INPP4A: variants seen among roughly 807,000 people sequenced by gnomAD.
The protein encoded by INPP4A is inositol polyphosphate-4-phosphatase, type I, 107kD.
INPP4A carries 33 observed loss-of-function variants against 119.8 expected under a neutral mutation model. The observed-to-expected ratio is 0.28, with a 90% CI of 0.21 to 0.37. The LOEUF is 0.37. Among genes scored for constraint, INPP4A ranks in the 10% least tolerant of loss-of-function variants. INPP4A has a pLI of 1.00. For missense variants in INPP4A, 956 were observed against 1,289.9 expected (o/e 0.74, Z 3.97); for synonymous variants, 496 against 500.7 (o/e 0.99, Z 0.12).
chr2:98,552,237 C>T (rs1693663267), intron 13 of INPP4A, among the ~76,000 whole-genome samples: 1 of 152,184 alleles, frequency 6.6e-6, no homozygotes, highest in Non-Finnish European at 1.5e-5. Context: ...TTTCTAGGGA[C>T]TTGCTGGGGT....
In INPP4A at chr2:98,546,206, A is replaced by G. The variant is rs1692453304; in HGVS notation, c.1054+133A>G. 3.2e-6 allele frequency: 2 copies of G among 626,226 alleles called. No homozygotes were observed. The highest frequency in any genetic ancestry group is 4.1e-5 in the South Asian group (2 of 49,208). 38.8% of individuals were successfully genotyped at this position (626,226 alleles called of 1,614,324 possible). On this transcript the variant is annotated intron_variant, in intron 12 of 24. Coordinates refer to ENST00000409851, the MANE Select transcript of INPP4A (RefSeq NM_001134225.2). The surrounding 1 kb of genome is among the most constrained non-coding windows in gnomAD (Gnocchi z 4.2). ...GCGGCTCGGAGGAGAGATTTGTCAC[A>G]AGGACCTTCAAAAGGTTTCTGATAA...
intron 24 of INPP4A, among the ~76,000 whole-genome samples, chr2:98,580,812 G>T (rs1417705741): frequency 1.3e-5 from 2 of 152,234 alleles, no homozygotes; most frequent in East Asian, 3.9e-4. Context: ...ACATAAATGT[G>T]CTTCCAGAGT....
intron 4 of INPP4A, among the ~76,000 whole-genome samples, chr2:98,529,925 G>A (rs182274046): frequency 6.6e-6 from 1 of 152,132 alleles, no homozygotes; most frequent in Non-Finnish European, 1.5e-5. Context: ...TAACAAGAAA[G>A]AGAGATTGTT....
chr2:98,459,050 A>G (rs1187859174), intron 1 of INPP4A, among the ~76,000 whole-genome samples: 1 of 152,226 alleles, frequency 6.6e-6, no homozygotes, highest in Admixed American at 6.5e-5. Flanking sequence ...TGGAGCATTC[A>G]TGGAGCACAG....
chr2:98,547,666 T>C (rs1287085352), intron 13 of INPP4A, among the ~76,000 whole-genome samples: 2 of 151,826 alleles, frequency 1.3e-5, no homozygotes, highest in African/African-American at 2.4e-5. Flanking sequence ...TTTGGGCTGA[T>C]AGGAAAGACA....
chr2:98,546,594 T>C lies in INPP4A; in HGVS notation c.1063T>C (p.Tyr355His). Residue 355 changes from tyrosine to histidine, a missense_variant, in exon 13 of 25, where the codon TAC becomes CAC. By Grantham distance (83) the Tyr-to-His change is moderately conservative (BLOSUM62 2). Coordinates refer to ENST00000409851, the MANE Select transcript of INPP4A (RefSeq NM_001134225.2). The surrounding 1 kb of genome is among the most constrained non-coding windows in gnomAD (Gnocchi z 4.2). ...VQDDGGSDQN[Y>H]DIVTIGAPAA... ...AGCTTTCTGTCATTCAGATCAGAAC[T>C]ACGACATCGTCACCATTGGGGCGCC... is the stretch of plus-strand genomic sequence containing the variant. 1 of 1,612,988 alleles carries C rather than the reference T, an allele frequency of 6.2e-7. No individual in the cohort carries two copies. Among genetic ancestry groups the C allele is most frequent in the Non-Finnish European group, 8.5e-7 (1 of 1,178,980 alleles).
At position 98,546,113 on chromosome 2, in the gene INPP4A, G is replaced by A. The variant is rs767613500; in HGVS notation, c.1054+40G>A. 3.6e-6 allele frequency: 5 copies of A among 1,391,786 alleles called. No individual in the cohort carries two copies. The highest frequency in any genetic ancestry group is 5.0e-6 in the Non-Finnish European group (5 of 1,001,866). The allele number at this position is 1,391,786 out of a possible 1,614,324, so 86.2% of individuals were successfully genotyped here. ...GCTCCCTCTTGTTGAATCACATTTCGCTGCTTTTCTCTGTGGGTACTTGGT... is the reference window on the plus strand; with the variant it reads ...GCTCCCTCTTGTTGAATCACATTTCACTGCTTTTCTCTGTGGGTACTTGGT... On this transcript the variant is annotated intron_variant, in intron 12 of 24. Coordinates refer to ENST00000409851, the MANE Select transcript of INPP4A (RefSeq NM_001134225.2). This position sits in a 1 kb window ranked among gnomAD's most constrained non-coding sequence, Gnocchi z 4.2.
rs568263063 is a variant in INPP4A at position 98,536,244 on chromosome 2, G to A, written c.467+36G>A. 9.5e-5 allele frequency: 122 copies of A among 1,285,000 alleles called. No homozygotes were observed. In the Middle Eastern group the frequency reaches 1.1e-3, roughly 11 times the overall value. The allele number at this position is 1,285,000 out of a possible 1,614,324, so 79.6% of individuals were successfully genotyped here. On this transcript the variant is annotated intron_variant, in intron 7 of 24. Transcript: ENST00000409851. ...AGTTTTATTCCCTTGAAAGGATCTG[G>A]AATCATGAGGTCCAGGGACAGATGG...
intron 18 of INPP4A, 98 bp from the exon 19 acceptor site, chr2:98,564,542 C>T (rs1435614508): frequency 2.8e-6 from 4 of 1,442,420 alleles, no homozygotes; most frequent in Middle Eastern, 2.4e-4. Flanking sequence ...TGAGCAGTGG[C>T]AGCAGAGGAA....
chr2:98,486,179 A>G (rs1679499434), intron 1 of INPP4A, among the ~76,000 whole-genome samples: 1 of 152,206 alleles, frequency 6.6e-6, no homozygotes, highest in South Asian at 2.1e-4. Context: ...TGTGTTGACT[A>G]ATTGATGCTC....
intron 4 of INPP4A, among the ~76,000 whole-genome samples, chr2:98,529,501 C>A (rs955569123): frequency 6.6e-6 from 1 of 151,986 alleles, no homozygotes; most frequent in South Asian, 2.1e-4. Context: ...CTTTGGAGGC[C>A]GAGGCAGGTG....
At chr2:98,500,009 T>C (rs866765935) in intron 1 of INPP4A, among the ~76,000 whole-genome samples, 2 of 152,144 alleles carry the variant, frequency 1.3e-5, no homozygotes, top group Non-Finnish European at 2.9e-5. Context: ...CATATCTAAT[T>C]CCGGGGGAAA....
intron 1 of INPP4A, among the ~76,000 whole-genome samples, chr2:98,486,873 G>T (rs1193675620): frequency 6.6e-6 from 1 of 152,232 alleles, no homozygotes; most frequent in African/African-American, 2.4e-5. Flanking sequence ...GCTGAGTCTA[G>T]AAGCAAATGC....
Position 98,546,319 on chromosome 2 carries a change from C to T in INPP4A, c.1054+246C>T, listed in dbSNP as rs998637971. Among the ~76,000 whole-genome samples, 1 of 152,226 alleles carries T rather than the reference C, an allele frequency of 6.6e-6. No individual in the cohort carries two copies. Among genetic ancestry groups the T allele is most frequent in the African/African-American group, 2.4e-5 (1 of 41,462 alleles). ...AAAGTTGCCTGTCGGCCCTTCTTCC[C>T]AAGGAGGGATGCAAACGGGAGTTAC... On this transcript the variant is annotated intron_variant, in intron 12 of 24. Transcript: ENST00000409851. The surrounding 1 kb of genome is among the most constrained non-coding windows in gnomAD (Gnocchi z 4.2).
intron 1 of INPP4A, among the ~76,000 whole-genome samples, chr2:98,518,204 C>T (rs188029695): frequency 6.6e-6 from 1 of 152,344 alleles, no homozygotes; most frequent in East Asian, 1.9e-4. Flanking sequence ...TGCCTTTTGA[C>T]GTTAACCAGC....
chr2:98,481,256 CAGG>C (rs1236422758), intron 1 of INPP4A, among the ~76,000 whole-genome samples: 6 of 152,256 alleles, frequency 3.9e-5, no homozygotes, highest in African/African-American at 1.4e-4. Flanking sequence ...AGGAAGTGAA[CAGG>C]AGACTTGGAG....
At chr2:98,482,187 C>G (rs546361206) in intron 1 of INPP4A, among the ~76,000 whole-genome samples, 1 of 152,364 alleles carries the variant, frequency 6.6e-6, no homozygotes, top group African/African-American at 2.4e-5. Flanking sequence ...GTGAGGGACC[C>G]TGTTGGGCCA....
chr2:98,474,029 G>C (rs1190974152), intron 1 of INPP4A, among the ~76,000 whole-genome samples: 1 of 152,196 alleles, frequency 6.6e-6, no homozygotes, highest in Admixed American at 6.5e-5. Context: ...ATTTTTGTGA[G>C]CCCTTCGGGG....
intron 1 of INPP4A, among the ~76,000 whole-genome samples, chr2:98,447,805 T>C (rs1384498225): frequency 6.6e-6 from 1 of 152,120 alleles, no homozygotes; most frequent in Admixed American, 6.6e-5. Context: ...CCCCGCACTT[T>C]GGGAGGCCGA....
Sources: allele counts gnomAD v4.1 joint callset (sites outside exome capture counted in the v4.1 genomes callset), GRCh38; gene constraint gnomAD v4.1.1; non-coding constraint Gnocchi (gnomAD v3.1); transcripts MANE v1.5; gene names NCBI Gene and HGNC (gene_info 2026-07-23, HGNC 2026-07-21).